The following SMOC2 variants were observed in gnomAD, a reference collection of about 807,000 sequenced individuals.
SMOC2 encodes SPARC related modular calcium binding 2.
In SMOC2, 39 loss-of-function variants were observed where a neutral mutation model predicts 61.4. The ratio of observed to expected loss-of-function variants is 0.64; its 90% CI spans 0.49 to 0.83. The LOEUF (loss-of-function observed/expected upper bound fraction) is 0.83. Ranked by LOEUF, SMOC2 falls within the 40% of genes least tolerant of loss-of-function variation. The pLI, the probability that SMOC2 is intolerant of heterozygous loss-of-function variation, is 0.00. For missense variants in SMOC2, 556 were observed against 592.9 expected (o/e 0.94, Z 0.65); for synonymous variants, 247 against 239.9 (o/e 1.03, Z -0.27).
At chr6:168,551,190 C>T (rs1022057459) in intron 7 of SMOC2, among the ~76,000 whole-genome samples, 1 of 152,124 alleles carries the variant, frequency 6.6e-6, no homozygotes, top group Non-Finnish European at 1.5e-5. Flanking sequence ...GCCTTGCTTC[C>T]CTTCACCTTC....
At chr6:168,455,378 A>G (rs947235454) in intron 1 of SMOC2, among the ~76,000 whole-genome samples, 1 of 152,160 alleles carries the variant, frequency 6.6e-6, no homozygotes, top group Non-Finnish European at 1.5e-5. Context: ...ATCAGAAATG[A>G]TGGATTTAGA....
In SMOC2 at chr6:168,571,823, T is replaced by C. The variant is rs28437724; in HGVS notation, c.637+22620T>C. Among the ~76,000 whole-genome samples the C allele has an allele frequency of 8.3e-3, 1,079 of 129,508 alleles. 15 individuals are homozygous for C. Among genetic ancestry groups the C allele is most frequent in the South Asian group, 0.048 (185 of 3,866 alleles). 85.0% of individuals were successfully genotyped at this position (129,508 alleles called of 152,430 possible). A position where few individuals can be genotyped will look rare whatever the true frequency, so the allele number is the denominator to read the frequency against. On this transcript the variant is annotated intron_variant, in intron 7 of 12. Coordinates refer to ENST00000356284, the MANE Select transcript of SMOC2 (RefSeq NM_001166412.2). ...ACTTTCTCCCCGCATCCCTGGGTGC[T>C]GGGACCAGGGCTGCGTGCTCCCTGA...
chr6:168,629,304 A>G lies in SMOC2; in HGVS notation c.907+21065A>G, dbSNP rs76954779. On this transcript the variant is annotated intron_variant, in intron 9 of 12. Transcript: ENST00000356284. ...CAAGTGCCCTCAGTGCTGTCTTTTG[A>G]TTCTTCCCACATGGGAAGGGATCAA... Among the ~76,000 whole-genome samples the G allele has an allele frequency of 5.3e-3, 805 of 152,292 alleles. 4 individuals carry two copies. The highest frequency in any genetic ancestry group is 0.018 in the African/African-American group (752 of 41,564).
intron 9 of SMOC2, among the ~76,000 whole-genome samples, chr6:168,639,832 A>G (rs1241401804): frequency 1.3e-5 from 2 of 152,228 alleles, no homozygotes; most frequent in African/African-American, 2.4e-5. Context: ...CAGAGACGGC[A>G]GAATGGCCCA....
chr6:168,448,866 A>T (rs1197077631), intron 1 of SMOC2, among the ~76,000 whole-genome samples: 1 of 152,164 alleles, frequency 6.6e-6, no homozygotes, highest in African/African-American at 2.4e-5. Flanking sequence ...CAGTTTTAGA[A>T]TGGTAGGGTT....
At position 168,539,167 on chromosome 6, in the gene SMOC2, T is replaced by C. The variant is rs1783819724; in HGVS notation, c.464-4458T>C. Among the ~76,000 whole-genome samples, 3 of 152,244 alleles carry C rather than the reference T, an allele frequency of 2.0e-5. No homozygotes were observed. The South Asian group carries it at 6.2e-4, about 32-fold the overall frequency. ...GACTGAAGCATGAGATTGCAAAAAA[T>C]GTAGATGGCTTCTCTATTTCCTCCC... On this transcript the variant is annotated intron_variant, in intron 4 of 12. Transcript: ENST00000356284.
intron 7 of SMOC2, among the ~76,000 whole-genome samples, chr6:168,598,323 G>A (rs761321924): frequency 6.6e-6 from 1 of 152,226 alleles, no homozygotes; most frequent in African/African-American, 2.4e-5. Flanking sequence ...CGCATGTTGA[G>A]AATGAGGAGA....
intron 9 of SMOC2, among the ~76,000 whole-genome samples, chr6:168,614,458 G>T (rs1785994155): frequency 2.1e-5 from 1 of 46,862 alleles, no homozygotes; most frequent in African/African-American, 9.7e-5. Flanking sequence ...GCCAGCACAT[G>T]GAGCCTCTTC....
At chr6:168,557,099 C>T (rs1784269814) in intron 7 of SMOC2, among the ~76,000 whole-genome samples, 1 of 152,042 alleles carries the variant, frequency 6.6e-6, no homozygotes, top group African/African-American at 2.4e-5. Context: ...TTAAATCATG[C>T]TAAAATGCAT....
intron 9 of SMOC2, among the ~76,000 whole-genome samples, chr6:168,623,280 G>C (rs1033337193): frequency 6.6e-5 from 10 of 151,244 alleles, no homozygotes; most frequent in Admixed American, 5.9e-4. Context: ...GCCCACTAAG[G>C]CATTTGGACC....
At chr6:168,660,221 G>C (rs1181631816) in intron 11 of SMOC2, among the ~76,000 whole-genome samples, 2 of 152,140 alleles carry the variant, frequency 1.3e-5, no homozygotes, top group Non-Finnish European at 2.9e-5. Context: ...TCTGATAGAA[G>C]GATATGAGTC....
At chr6:168,599,526 C>T (rs1415954736) in intron 8 of SMOC2, among the ~76,000 whole-genome samples, 16 of 28,432 alleles carry the variant, frequency 5.6e-4, no homozygotes, top group Non-Finnish European at 9.0e-4. Flanking sequence ...ACACTCATAC[C>T]CCCACACACC....
At position 168,633,042 on chromosome 6, in the gene SMOC2, T is replaced by C. The variant is rs185609363; in HGVS notation, c.908-17639T>C. ...CTTCAAGCCACAGGAGTTCACTCTC[T>C]GTCAAGTGTTGATGAGAAACCAGGT... On this transcript the variant is annotated intron_variant, in intron 9 of 12. Transcript: ENST00000356284. 5.9e-5 allele frequency among the ~76,000 whole-genome samples: 9 copies of C among 152,316 alleles called. No homozygotes were observed. In the East Asian group the frequency reaches 1.7e-3, roughly 29 times the overall value.
intron 4 of SMOC2, among the ~76,000 whole-genome samples, chr6:168,542,689 C>T (rs1024240078): frequency 2.6e-5 from 4 of 152,058 alleles, no homozygotes; most frequent in Admixed American, 6.6e-5. Flanking sequence ...GGATGGATGG[C>T]GCCTTGAAGT....
chr6:168,504,764 G>A (rs1401190275), intron 1 of SMOC2, among the ~76,000 whole-genome samples: 3 of 151,284 alleles, frequency 2.0e-5, no homozygotes, highest in Non-Finnish European at 4.4e-5. Flanking sequence ...GCTTCACTAG[G>A]GCAGGCTCTT....
At position 168,606,850 on chromosome 6, in the gene SMOC2, G is replaced by A. The variant is rs73789148; in HGVS notation, c.825-1307G>A. Among the ~76,000 whole-genome samples, 1,006 of 152,178 alleles carry A rather than the reference G, an allele frequency of 6.6e-3. 13 individuals carry two copies. Among genetic ancestry groups the A allele is most frequent in the African/African-American group, 0.021 (875 of 41,540 alleles). ...ACCTGTGCCCCATGATGGTGTTGGC[G>A]GGCACTGCGTCTCCCAGTGTGTCAC... On this transcript the variant is annotated intron_variant, in intron 8 of 12. Coordinates refer to ENST00000356284, the MANE Select transcript of SMOC2 (RefSeq NM_001166412.2).
chr6:168,573,840 C>T (rs555222944), intron 7 of SMOC2, among the ~76,000 whole-genome samples: 199 of 152,160 alleles, frequency 1.3e-3, no homozygotes, highest in Non-Finnish European at 1.8e-3. Context: ...CCAGTGGAGG[C>T]TTTTTGTTTT....
At position 168,542,664 on chromosome 6, in the gene SMOC2, G is replaced by T. The variant is rs550670557; in HGVS notation, c.464-961G>T. On this transcript the variant is annotated intron_variant, in intron 4 of 12. Transcript: ENST00000356284. ...GCACTGTGACCTCGAGGCAGTGTCC[G>T]CTGAGAGTGCCAGAGGATGGATGGC... 2.6e-5 allele frequency among the ~76,000 whole-genome samples: 4 copies of T among 152,204 alleles called. No homozygotes were observed. In the East Asian group the frequency reaches 5.8e-4, roughly 22 times the overall value.
intron 7 of SMOC2, among the ~76,000 whole-genome samples, chr6:168,563,316 T>C (rs1784465741): frequency 6.6e-6 from 1 of 152,176 alleles, no homozygotes; most frequent in Admixed American, 6.5e-5. Flanking sequence ...TATGTGTGTA[T>C]GTATATAAAG....
Sources: allele counts gnomAD v4.1 joint callset (sites outside exome capture counted in the v4.1 genomes callset), GRCh38; gene constraint gnomAD v4.1.1; transcripts MANE v1.5; gene names NCBI Gene and HGNC (gene_info 2026-07-23, HGNC 2026-07-21).